CLVS1: variants seen among roughly 807,000 people sequenced by gnomAD.
CLVS1 encodes the protein clavesin 1, also known as clavesin-1.
A neutral mutation model predicts 33.1 loss-of-function variants in CLVS1; 10 were observed. That is an observed-to-expected ratio of 0.30 (90% CI 0.19 to 0.51). The LOEUF (loss-of-function observed/expected upper bound fraction) is 0.51, where lower values mean the gene tolerates loss of function less well. CLVS1 is among the 20% of genes least tolerant of loss of function. The pLI is 0.97. For missense variants in CLVS1, 343 were observed against 433.4 expected, an observed-to-expected ratio of 0.79 and a Z score of 1.85; for synonymous variants, 163 against 166.1, an observed-to-expected ratio of 0.98 and a Z score of 0.14.
chr8:61,312,153 G>C (rs1312317971), intron 2 of CLVS1, among the ~76,000 whole-genome samples: 1 of 152,198 alleles, frequency 6.6e-6, no homozygotes, highest in Admixed American at 6.5e-5. Context: ...GTAGAGCCGA[G>C]AAGGAAAGCC....
intron 1 of CLVS1, among the ~76,000 whole-genome samples, chr8:61,121,725 C>A (rs10216609): frequency 0.18 from 27,056 of 151,978 alleles, 2,648 homozygotes; most frequent in African/African-American, 0.22. Flanking sequence ...AAAGTATACA[C>A]AAAAACAGCA....
Position 61,194,851 on chromosome 8 carries a change from A to G in CLVS1, c.-152+62991A>G, listed in dbSNP as rs569169989. On this transcript the variant is annotated intron_variant, in intron 2 of 2. Transcript: ENST00000522621. ...AAACAAAAATTTATAAATTTCAAAT[A>G]CTGTATTAAGTATATTAAGTATTTT... is the stretch of plus-strand genomic sequence containing the variant. Among the ~76,000 whole-genome samples the G allele has an allele frequency of 5.3e-5, 8 of 152,008 alleles. No homozygotes were observed. The South Asian group carries it at 1.7e-3, about 32-fold the overall frequency.
chr8:61,271,958 C>T lies in CLVS1; in HGVS notation c.-151-27719C>T, dbSNP rs1421166764. ...GAATACAGCACACTGATGGGTCTGT[C>T]TGTGTCTTTTAATTGGAGCATTTAG... On this transcript the variant is annotated intron_variant, in intron 2 of 2. Coordinates refer to the CLVS1 transcript ENST00000522621. Among the ~76,000 whole-genome samples, 10 of 151,804 alleles carry T rather than the reference C, an allele frequency of 6.6e-5. No homozygotes were observed. In the South Asian group the frequency reaches 2.1e-3, roughly 32 times the overall value.
intron 1 of CLVS1, among the ~76,000 whole-genome samples, chr8:61,078,801 T>C: frequency 6.6e-6 from 1 of 152,198 alleles, no homozygotes; most frequent in Non-Finnish European, 1.5e-5. Flanking sequence ...CCTAATCATT[T>C]TCAAAGAATT....
chr8:61,379,810 G>A (rs142646049), intron 3 of CLVS1, among the ~76,000 whole-genome samples: 574 of 152,230 alleles, frequency 3.8e-3, no homozygotes, highest in Middle Eastern at 6.8e-3. Flanking sequence ...GTGAAGCCTC[G>A]GACATTCTGA....
chr8:61,409,676 G>C (rs942092061), intron 3 of CLVS1, among the ~76,000 whole-genome samples: 1 of 152,138 alleles, frequency 6.6e-6, no homozygotes, highest in Non-Finnish European at 1.5e-5. Flanking sequence ...AGGGATTTTT[G>C]TGTAAATTAA....
At chr8:61,058,203 G>A (rs568358174) in intron 1 of CLVS1, among the ~76,000 whole-genome samples, 3 of 152,184 alleles carry the variant, frequency 2.0e-5, no homozygotes, top group Non-Finnish European at 4.4e-5. Flanking sequence ...TGAGGCTGGT[G>A]TGCAAAGTCA....
At chr8:61,052,239 G>A (rs991284762), upstream of CLVS1, among the ~76,000 whole-genome samples, 3 of 152,258 alleles carry the variant, frequency 2.0e-5, no homozygotes, top group East Asian at 3.9e-4. Flanking sequence ...GTGGCACCCA[G>A]TGCTGGGGAA....
chr8:61,495,339 A>C (rs1804232340), intron 5 of CLVS1, among the ~76,000 whole-genome samples: 1 of 152,206 alleles, frequency 6.6e-6, no homozygotes, highest in South Asian at 2.1e-4. Flanking sequence ...ACAAAAGCAT[A>C]AAGGTTTTGG....
At chr8:61,431,401 C>CTT (rs1364174704) in intron 3 of CLVS1, among the ~76,000 whole-genome samples, 2 of 152,190 alleles carry the variant, frequency 1.3e-5, no homozygotes, top group Non-Finnish European at 2.9e-5. Context: ...ACCTGGAATT[C>CTT]TTTTTTGTAT....
the CLVS1 span, among the ~76,000 whole-genome samples, chr8:60,983,796 C>T: frequency 2.6e-3 from 393 of 152,302 alleles, 3 homozygotes; most frequent in Middle Eastern, 0.024. Flanking sequence ...TGACCATGAG[C>T]TGCAGCTGGC....
chr8:61,149,551 C>CAAAAAAAAAAAAAAAAAAAAA (rs1166606940), intron 2 of CLVS1, among the ~76,000 whole-genome samples: 90 of 51,870 alleles, frequency 1.7e-3, no homozygotes, highest in Non-Finnish European at 2.7e-3. Context: ...GACTCTGTCT[C>CAAAAAAAAAAAAAAAAAAAAA]AAAAAAAAAA....
chr8:61,328,052 T>C (rs1811448551), intron 2 of CLVS1, among the ~76,000 whole-genome samples: 1 of 152,238 alleles, frequency 6.6e-6, no homozygotes, highest in Non-Finnish European at 1.5e-5. Context: ...ATTTTACATG[T>C]TATCTTCCTT....
chr8:61,261,730 C>A (rs1173609926), intron 2 of CLVS1, among the ~76,000 whole-genome samples: 1 of 152,118 alleles, frequency 6.6e-6, no homozygotes, highest in Non-Finnish European at 1.5e-5. Flanking sequence ...CAGGAAGGGG[C>A]CCTCATAAGA....
At chr8:61,034,259 G>C in the CLVS1 span, among the ~76,000 whole-genome samples, 1 of 151,994 alleles carries the variant, frequency 6.6e-6, no homozygotes, top group African/African-American at 2.4e-5. Context: ...ATTTTTAATT[G>C]ACAAATTATA....
chr8:61,403,986 A>T (rs966054313), intron 3 of CLVS1, among the ~76,000 whole-genome samples: 1 of 152,214 alleles, frequency 6.6e-6, no homozygotes, highest in African/African-American at 2.4e-5. Context: ...TTGTGAGAGA[A>T]TTCCAGACAT....
At chr8:61,182,592 T>A (rs1230857832) in intron 2 of CLVS1, among the ~76,000 whole-genome samples, 1 of 152,124 alleles carries the variant, frequency 6.6e-6, no homozygotes, top group Non-Finnish European at 1.5e-5. Context: ...TCAACATCAC[T>A]GATCATTAGA....
the CLVS1 span, among the ~76,000 whole-genome samples, chr8:61,005,486 A>G: frequency 9.9e-5 from 15 of 152,108 alleles, no homozygotes; most frequent in African/African-American, 3.6e-4. Flanking sequence ...CAGCAGGGAA[A>G]AAAGAAAAGA....
intron 2 of CLVS1, among the ~76,000 whole-genome samples, chr8:61,375,600 G>A (rs768146886): frequency 6.6e-6 from 1 of 152,058 alleles, no homozygotes; most frequent in Non-Finnish European, 1.5e-5. Context: ...GGAGTCATTG[G>A]CTTTGAACCA....
Sources: gnomAD v4.1 joint callset for allele counts (sites outside exome capture counted in the v4.1 genomes callset) on GRCh38, gnomAD v4.1.1 for gene constraint, MANE v1.5 for transcripts, NCBI Gene and HGNC (gene_info 2026-07-23, HGNC 2026-07-21) for gene names.